The following TBL1X variants were observed in gnomAD, a reference collection of about 807,000 sequenced individuals.
The protein encoded by TBL1X is F-box-like/WD repeat-containing protein TBL1X.
Under a neutral mutation model 50.7 loss-of-function variants are expected in TBL1X, and 10 were observed. The ratio of observed to expected loss-of-function variants is 0.20; its 90% CI spans 0.12 to 0.33. The LOEUF is 0.33. Among genes scored for constraint, TBL1X ranks in the 10% least tolerant of loss-of-function variants. The probability of loss-of-function intolerance (pLI) is 1.00; values close to 1 mark genes in which losing one functional copy is unlikely to be tolerated. For missense variants in TBL1X, 340 were observed against 504.4 expected (o/e 0.67, Z 3.12); for synonymous variants, 190 against 214.7 (o/e 0.88, Z 1.01).
At chrX:9,583,014 T>C (rs1380345346) in intron 2 of TBL1X, among the ~76,000 whole-genome samples, 1 of 112,894 alleles carries the variant, frequency 8.9e-6, no homozygotes, top group Non-Finnish European at 1.9e-5. Flanking sequence ...TAGAAGGATT[T>C]TTTTATGATA....
intron 1 of TBL1X, among the ~76,000 whole-genome samples, chrX:9,475,456 G>T (rs1221134645): frequency 1.8e-5 from 2 of 110,137 alleles, no homozygotes; most frequent in African/African-American, 3.3e-5. Flanking sequence ...ATGTTGGCCA[G>T]GCTGGTTTCG....
intron 2 of TBL1X, among the ~76,000 whole-genome samples, chrX:9,601,517 G>A (rs755283800): frequency 9.0e-6 from 1 of 111,406 alleles, no homozygotes; most frequent in Non-Finnish European, 1.9e-5. Context: ...ACTTGGGGAT[G>A]ATTATAGTTC....
chrX:9,709,207 A>G (rs1175094181), intron 13 of TBL1X, 41 bp from the exon 14 acceptor site: 1 of 1,183,149 alleles, frequency 8.5e-7, no homozygotes, highest in East Asian at 3.0e-5. Flanking sequence ...ATCTACTCAC[A>G]GGCCCTGATG....
intron 3 of TBL1X, among the ~76,000 whole-genome samples, chrX:9,644,057 T>A (rs138214035): frequency 3.0e-4 from 34 of 112,106 alleles, no homozygotes; most frequent in Admixed American, 4.7e-4. Flanking sequence ...CTCATCATGG[T>A]CAAATTAAAT....
intron 12 of TBL1X, among the ~76,000 whole-genome samples, chrX:9,697,934 CATT>C (rs988327606): frequency 9.0e-6 from 1 of 111,441 alleles, no homozygotes; most frequent in African/African-American, 3.3e-5. Context: ...AAATATAAAA[CATT>C]AGTCGGGTGT....
intron 5 of TBL1X, among the ~76,000 whole-genome samples, chrX:9,663,326 G>A (rs964880469): frequency 8.9e-6 from 1 of 111,837 alleles, no homozygotes; most frequent in African/African-American, 3.3e-5. Context: ...GTCCATCAGT[G>A]GGCGTAGTTG....
intron 15 of TBL1X, among the ~76,000 whole-genome samples, chrX:9,711,049 CAT>C (rs1474712469): frequency 5.4e-5 from 6 of 111,703 alleles, no homozygotes; most frequent in Non-Finnish European, 1.1e-4. Flanking sequence ...CTATAGGAAA[CAT>C]AGAAACAGGG....
rs745437668 is a variant in TBL1X, at chrX:9,709,201, A to G, written c.1237-47A>G. ...CCCCTGCTGGAAGGTGACCTCATCT[A>G]CTCACAGGCCCTGATGTCTTTTTCA... On this transcript the variant is annotated intron_variant, in intron 13 of 17. Coordinates refer to ENST00000645353, the MANE Select transcript of TBL1X (RefSeq NM_005647.4). The G allele has an allele frequency of 2.1e-5, 25 of 1,169,025 alleles. No homozygotes were observed. In the African/African-American group the frequency reaches 2.3e-4, roughly 11 times the overall value.
At chrX:9,542,878 C>T (rs1181744617) in intron 2 of TBL1X, among the ~76,000 whole-genome samples, 1 of 112,473 alleles carries the variant, frequency 8.9e-6, no homozygotes, top group Non-Finnish European at 1.9e-5. Context: ...ACAGCTCAGT[C>T]ATTCGATCCC....
chrX:9,694,520 C>T (rs142665007), intron 11 of TBL1X, among the ~76,000 whole-genome samples: 1,240 of 111,398 alleles, frequency 0.011, 20 homozygotes, highest in African/African-American at 0.036. Context: ...CTTGAACCAG[C>T]GAGGCAGAGG....
intron 2 of TBL1X, among the ~76,000 whole-genome samples, chrX:9,509,365 C>CAA (rs35090230): frequency 0.051 from 2,548 of 50,314 alleles, 192 homozygotes; most frequent in African/African-American, 0.18. Flanking sequence ...GACTCTGTCT[C>CAA]AAAAAAAAAA....
intron 2 of TBL1X, among the ~76,000 whole-genome samples, chrX:9,616,052 A>G (rs759390522): frequency 1.8e-5 from 2 of 112,178 alleles, no homozygotes; most frequent in Admixed American, 9.5e-5. Flanking sequence ...CTTACGTGCT[A>G]CTGGATAAAA....
Position 9,492,129 on chromosome X carries a change from T to A in TBL1X, c.-200-9651T>A, listed in dbSNP as rs148920772. Among the ~76,000 whole-genome samples, 4 of 112,196 alleles carry A rather than the reference T, an allele frequency of 3.6e-5. No homozygotes were observed. The East Asian group carries it at 1.1e-3, about 31-fold the overall frequency. ...GTTAGTATTGATTCACTGAAGTGGTTCTCCTTGTGTACATGGAGTAGTTGT... is the reference window on the plus strand; with the variant it reads ...GTTAGTATTGATTCACTGAAGTGGTACTCCTTGTGTACATGGAGTAGTTGT... On this transcript the variant is annotated intron_variant, in intron 1 of 17. Transcript: ENST00000645353.
chrX:9,547,243 C>T lies in TBL1X; in HGVS notation c.-131+45394C>T, dbSNP rs192668885. Among the ~76,000 whole-genome samples, 57 of 111,758 alleles carry T rather than the reference C, an allele frequency of 5.1e-4. No individual in the cohort carries two copies. The East Asian group carries it at 0.015, about 29-fold the overall frequency. On this transcript the variant is annotated intron_variant, in intron 2 of 17. Coordinates refer to ENST00000645353, the MANE Select transcript of TBL1X (RefSeq NM_005647.4). ...GGCTGGGCACTGTGTTCTTCTGTCACGCCCCCTTCAGGATGGGGCCTGGGT... is the reference window on the plus strand; with the variant it reads ...GGCTGGGCACTGTGTTCTTCTGTCATGCCCCCTTCAGGATGGGGCCTGGGT...
chrX:9,658,512 G>A (rs1055888063), intron 5 of TBL1X, among the ~76,000 whole-genome samples: 1 of 111,156 alleles, frequency 9.0e-6, no homozygotes, highest in Non-Finnish European at 1.9e-5. Context: ...CCAGGGAAGT[G>A]GAAGTCCATT....
chrX:9,517,222 A>G (rs12009988), intron 2 of TBL1X, among the ~76,000 whole-genome samples: 3,697 of 110,868 alleles, frequency 0.033, 156 homozygotes, highest in African/African-American at 0.11. Context: ...GGGTAAGGCC[A>G]ACATCTGTGT....
chrX:9,588,315 A>G (rs1180860454), intron 2 of TBL1X, among the ~76,000 whole-genome samples: 2 of 111,645 alleles, frequency 1.8e-5, no homozygotes, highest in Non-Finnish European at 3.8e-5. Flanking sequence ...GTGGATGCTC[A>G]GGGGCGGCTG....
chrX:9,707,566 G>T (rs1165228978), intron 13 of TBL1X, among the ~76,000 whole-genome samples: 1 of 112,252 alleles, frequency 8.9e-6, no homozygotes, highest in African/African-American at 3.2e-5. Flanking sequence ...AGGAACCGGG[G>T]CTTGCATTGC....
In TBL1X at chrX:9,688,226, G is replaced by C. The variant is rs1349271553; in HGVS notation, c.567G>C (p.Lys189Asn). 2 of 1,199,903 alleles carry C rather than the reference G, an allele frequency of 1.7e-6. No individual in the cohort carries two copies. ...SAGVSHQNPS[K>N]NREATVNGEE... ...GCGTTTCCCACCAAAATCCATCGAA[G>C]AACAGAGAGGCCACGGTGAATGGGG... The change falls in exon 7 of 18, where the codon AAG becomes AAC. Residue 189 changes from lysine (K) to asparagine (N), a missense_variant. Transcript: ENST00000645353.
Sources: allele counts gnomAD v4.1 joint callset (sites outside exome capture counted in the v4.1 genomes callset), GRCh38; gene constraint gnomAD v4.1.1; transcripts MANE v1.5; gene names NCBI Gene and HGNC (gene_info 2026-07-23, HGNC 2026-07-21).